SRGAP1: variants seen among roughly 807,000 people sequenced by gnomAD.
SRGAP1 encodes the protein SLIT-ROBO Rho GTPase-activating protein 1.
In SRGAP1, 43 loss-of-function variants were observed where a neutral mutation model predicts 121.9. The observed-to-expected ratio is 0.35, with a 90% CI of 0.28 to 0.46. The LOEUF is 0.46. SRGAP1 is among the 20% of genes least tolerant of loss of function. The pLI is 1.00. For missense variants in SRGAP1, 1,102 were observed against 1,350.9 expected, an observed-to-expected ratio of 0.82 and a Z score of 2.89; for synonymous variants, 447 against 485.4, an observed-to-expected ratio of 0.92 and a Z score of 1.04.
chr12:63,906,564 C>T lies in SRGAP1; in HGVS notation c.67+61681C>T, dbSNP rs556079243. Among the ~76,000 whole-genome samples, 23 of 152,192 alleles carry T rather than the reference C, an allele frequency of 1.5e-4. No individual in the cohort carries two copies. In the East Asian group the frequency reaches 2.5e-3, roughly 17 times the overall value. On this transcript the variant is annotated intron_variant, in intron 1 of 21. Coordinates refer to ENST00000355086, the MANE Select transcript of SRGAP1 (RefSeq NM_020762.4). ...TCCTGACCTCGTGATCTGCCCGCCT[C>T]GGCCTCCCAAAGTGCTGGGATTACA...
intron 1 of SRGAP1, among the ~76,000 whole-genome samples, chr12:63,876,876 ACCAGG>A (rs1900046622): frequency 6.6e-6 from 1 of 152,196 alleles, no homozygotes; most frequent in East Asian, 1.9e-4. Flanking sequence ...AAAAATATGA[ACCAGG>A]CTTTGGACTT....
chr12:64,100,177 G>A (rs893139846), intron 15 of SRGAP1, among the ~76,000 whole-genome samples: 3 of 152,146 alleles, frequency 2.0e-5, no homozygotes, highest in Admixed American at 6.5e-5. Context: ...ACTATAAACT[G>A]TGGTCACATA....
At chr12:64,060,359 C>T (rs2035428136) in intron 6 of SRGAP1, among the ~76,000 whole-genome samples, 1 of 151,928 alleles carries the variant, frequency 6.6e-6, no homozygotes, top group South Asian at 2.1e-4. Context: ...AGCACCCACC[C>T]CTATACTCGG....
At chr12:64,028,176 C>T (rs1165540945) in intron 4 of SRGAP1, among the ~76,000 whole-genome samples, 1 of 152,254 alleles carries the variant, frequency 6.6e-6, no homozygotes, top group African/African-American at 2.4e-5. Context: ...TGCTTAGCTC[C>T]TGCTACCACT....
chr12:63,991,020 G>C (rs563200670), intron 3 of SRGAP1, among the ~76,000 whole-genome samples: 4 of 152,194 alleles, frequency 2.6e-5, no homozygotes, highest in Admixed American at 6.5e-5. Flanking sequence ...ACTAATCTCA[G>C]CCAACTCTCA....
At chr12:63,907,209 C>A (rs761317012) in intron 1 of SRGAP1, among the ~76,000 whole-genome samples, 2 of 152,054 alleles carry the variant, frequency 1.3e-5, no homozygotes, top group Non-Finnish European at 1.5e-5. Context: ...GTGTATCTAC[C>A]TTGAAGAAAC....
At chr12:64,056,979 TG>T (rs1304488579) in intron 6 of SRGAP1, among the ~76,000 whole-genome samples, 1 of 152,206 alleles carries the variant, frequency 6.6e-6, no homozygotes, top group Non-Finnish European at 1.5e-5. Flanking sequence ...TAATTGGGTT[TG>T]GTTTGCTCAT....
At chr12:64,016,584 G>C (rs956830370) in intron 3 of SRGAP1, among the ~76,000 whole-genome samples, 12 of 152,178 alleles carry the variant, frequency 7.9e-5, no homozygotes, top group Non-Finnish European at 1.2e-4. Context: ...TTCTAAGTTA[G>C]CTTTTTGGGA....
intron 10 of SRGAP1, among the ~76,000 whole-genome samples, chr12:64,084,696 AAAT>A (rs1353427749): frequency 6.6e-6 from 1 of 152,146 alleles, no homozygotes; most frequent in African/African-American, 2.4e-5. Flanking sequence ...GGATGGAGCA[AAAT>A]AATTTTAAGC....
At chr12:63,900,274 C>T (rs1240141981) in intron 1 of SRGAP1, among the ~76,000 whole-genome samples, 9 of 140,708 alleles carry the variant, frequency 6.4e-5, no homozygotes, top group African/African-American at 2.1e-4. Context: ...GGCACGATCT[C>T]GGCTCACTGC....
At chr12:63,984,480 C>G (rs1452860348) in intron 2 of SRGAP1, among the ~76,000 whole-genome samples, 1 of 152,040 alleles carries the variant, frequency 6.6e-6, no homozygotes, top group Non-Finnish European at 1.5e-5. Flanking sequence ...GGTTTTTGTT[C>G]AAGCAAAGAC....
intron 4 of SRGAP1, among the ~76,000 whole-genome samples, chr12:64,037,222 G>A (rs573415563): frequency 1.5e-4 from 23 of 152,276 alleles, no homozygotes; most frequent in Middle Eastern, 3.4e-3. Flanking sequence ...GGAGGGAGCC[G>A]TGAGTGACTG....
intron 15 of SRGAP1, among the ~76,000 whole-genome samples, chr12:64,100,688 A>T (rs1156563195): frequency 6.6e-6 from 1 of 152,192 alleles, no homozygotes; most frequent in Non-Finnish European, 1.5e-5. Flanking sequence ...AAACATACAT[A>T]TTGACACTAA....
At chr12:63,888,021 G>A (rs1206787113) in intron 1 of SRGAP1, 5 of 152,210 alleles carry the variant, frequency 3.3e-5, no homozygotes, top group African/African-American at 1.2e-4. Flanking sequence ...AAGATGATCT[G>A]TCAGGTCAGT....
chr12:64,063,565 A>G (rs1273670070), intron 7 of SRGAP1, among the ~76,000 whole-genome samples: 1 of 152,210 alleles, frequency 6.6e-6, no homozygotes, highest in Non-Finnish European at 1.5e-5. Flanking sequence ...TTTTTTTAAA[A>G]TTCAAGTTGG....
intron 3 of SRGAP1, among the ~76,000 whole-genome samples, chr12:64,009,268 G>A (rs915773790): frequency 2.0e-5 from 3 of 152,060 alleles, no homozygotes; most frequent in Admixed American, 6.6e-5. Flanking sequence ...ATTTACATCA[G>A]CCACTGAGAA....
intron 4 of SRGAP1, among the ~76,000 whole-genome samples, chr12:64,034,162 T>C (rs1004074988): frequency 1.3e-5 from 2 of 151,992 alleles, no homozygotes; most frequent in African/African-American, 4.8e-5. Flanking sequence ...TGGGAGGTGA[T>C]TGGATCATGG....
chr12:63,886,144 T>G (rs938231775), intron 1 of SRGAP1, among the ~76,000 whole-genome samples: 1 of 152,156 alleles, frequency 6.6e-6, no homozygotes, highest in Non-Finnish European at 1.5e-5. Flanking sequence ...CACTGCAACC[T>G]TCGCCTCCCA....
chr12:64,161,769 T>C lies in SRGAP1; in HGVS notation c.*19097T>C, dbSNP rs1299516680. On this transcript the variant is annotated 3_prime_UTR_variant, in exon 22 of 22. Transcript: ENST00000355086. ...AAGGGCACTAAAAAACAGATTGTCA[T>C]AGCAGTATTATCCATAATAGCCAAA... The C allele has an allele frequency of 6.6e-6, 1 of 152,192 alleles. No individual in the cohort carries two copies. Among genetic ancestry groups the C allele is most frequent in the South Asian group, 2.1e-4 (1 of 4,824 alleles). 9.4% of individuals were successfully genotyped at this position (152,192 alleles called of 1,614,324 possible).
Sources: allele counts gnomAD v4.1 joint callset (sites outside exome capture counted in the v4.1 genomes callset), GRCh38; gene constraint gnomAD v4.1.1; transcripts MANE v1.5; gene names NCBI Gene and HGNC (gene_info 2026-07-23, HGNC 2026-07-21).